Variants in POC5 observed in about 807,000 individuals in gnomAD.
The protein encoded by POC5 is centrosomal protein POC5.
In POC5, 48 loss-of-function variants were observed where a neutral mutation model predicts 62.9. That is an observed-to-expected ratio of 0.76 (90% CI 0.61 to 0.97). The LOEUF is 0.97. Ranked by LOEUF, POC5 falls within the 50% of genes least tolerant of loss-of-function variation. POC5 has a pLI of 0.00. For synonymous variants in POC5, 236 were observed against 228.2 expected (o/e 1.03, Z -0.31); for missense variants, 696 against 679.5 (o/e 1.02, Z -0.27).
At chr5:75,691,305 A>G (rs893790798) in intron 7 of POC5, among the ~76,000 whole-genome samples, 1 of 152,214 alleles carries the variant, frequency 6.6e-6, no homozygotes, top group African/African-American at 2.4e-5. Flanking sequence ...AAAAAAATGA[A>G]AAATCCAGAA....
rs141696191 is a variant in POC5 at position 75,685,475 on chromosome 5, G to A, written c.1139C>T (p.Ser380Phe). ...ATACTCTTCCTTTTTATTATTTGTG[G>A]AGTCTATCCCTATAAATCACAAATT... ...FQNRNDAGID[S>F]TNNKKEEYGP... The change falls in exon 10 of 12, where the codon TCC (serine) becomes TTC (phenylalanine). Residue 380 changes from serine (S) to phenylalanine (F), a missense_variant. Coordinates refer to ENST00000428202, the MANE Select transcript of POC5 (RefSeq NM_001099271.2). The A allele has an allele frequency of 1.4e-5, 23 of 1,609,612 alleles. 1 individual carries two copies. The East Asian group carries it at 5.1e-4, about 36-fold the overall frequency.
chr5:75,714,865 C>T (rs1777485992), intron 1 of POC5, among the ~76,000 whole-genome samples: 1 of 152,080 alleles, frequency 6.6e-6, no homozygotes, highest in Admixed American at 6.6e-5. Flanking sequence ...GAGCGCCGCA[C>T]TGGAGGTATA....
chr5:75,677,674 A>G lies in POC5; in HGVS notation c.1584+100T>C, dbSNP rs116354814. 1.5e-3 allele frequency: 1,520 copies of G among 980,742 alleles called. 22 individuals are homozygous for G. The African/African-American group carries it at 0.023, about 15-fold the overall frequency. The allele number at this position is 980,742 out of a possible 1,614,324, so 60.8% of individuals were successfully genotyped here. ...AAAGGCAGAACAAGTACCAGTCATC[A>G]TAAATTTTTATCTTCTCAACATGTT... On this transcript the variant is annotated intron_variant, in intron 11 of 11. Coordinates refer to ENST00000428202, the MANE Select transcript of POC5 (RefSeq NM_001099271.2).
chr5:75,689,652 G>T (rs1423043287), intron 8 of POC5: 2 of 985,242 alleles, frequency 2.0e-6, no homozygotes, highest in African/African-American at 3.5e-5. Context: ...AACCTCAGGG[G>T]ACTGCATTTT....
At chr5:75,674,989 T>G (rs906653854) in intron 11 of POC5, among the ~76,000 whole-genome samples, 1 of 152,204 alleles carries the variant, frequency 6.6e-6, no homozygotes, top group East Asian at 1.9e-4. Context: ...ACTGTTAGTA[T>G]GTGGATGTGA....
chr5:75,689,304 T>C, intron 8 of POC5, 139 bp from the exon 9 acceptor site: 2 of 1,319,724 alleles, frequency 1.5e-6, no homozygotes, highest in Non-Finnish European at 1.9e-6. Flanking sequence ...CTATGTGCAA[T>C]TTATTTTAAA....
At position 75,689,147 on chromosome 5, in the gene POC5, T is replaced by C. The variant is rs573472803; in HGVS notation, c.994A>G (p.Asn332Asp). Residue 332 changes from asparagine to aspartate, a missense_variant, in exon 9 of 12, where the codon AAT (asparagine) becomes GAT (aspartate). Physicochemically the swap from Asn to Asp is conservative, Grantham distance 23. Coordinates refer to ENST00000428202, the MANE Select transcript of POC5 (RefSeq NM_001099271.2). The part of the protein sequence containing the change: ...KVAMLSGALE[N>D]AKAEIQRMQH... ...ATTCTTTGAATCTCAGCTTTTGCAT[T>C]TTCCAAAGCTCCAGATAACTAAAAT... 25 of 1,557,842 alleles carry C rather than the reference T, an allele frequency of 1.6e-5. No individual in the cohort carries two copies. In the African/African-American group the frequency reaches 3.3e-4, roughly 20 times the overall value.
chr5:75,702,530 A>G (rs1474031750), intron 5 of POC5, 75 bp downstream of exon 5: 3 of 1,394,312 alleles, frequency 2.2e-6, no homozygotes, highest in Non-Finnish European at 2.9e-6. Context: ...TCAAAAAAAC[A>G]AAACAGTATA....
intron 2 of POC5, among the ~76,000 whole-genome samples, chr5:75,711,344 G>A (rs1047912486): frequency 6.6e-6 from 1 of 151,468 alleles, no homozygotes; most frequent in African/African-American, 2.4e-5. Flanking sequence ...AACCATTAGA[G>A]TCAGAGCAAC....
At chr5:75,681,977 C>G (rs1775884565) in intron 10 of POC5, among the ~76,000 whole-genome samples, 1 of 152,098 alleles carries the variant, frequency 6.6e-6, no homozygotes, top group South Asian at 2.1e-4. Flanking sequence ...CTGAGTATTT[C>G]AACTATATAA....
At chr5:75,676,683 G>A (rs976779678) in intron 11 of POC5, among the ~76,000 whole-genome samples, 11 of 152,058 alleles carry the variant, frequency 7.2e-5, no homozygotes, top group African/African-American at 2.4e-4. Flanking sequence ...TCAGCTGGGG[G>A]TGGTGGCGGG....
chr5:75,677,727 C>G (rs368639440), intron 11 of POC5, 47 bp downstream of exon 11: 3 of 1,476,628 alleles, frequency 2.0e-6, no homozygotes, highest in African/African-American at 2.9e-5. Flanking sequence ...TCTATGAACT[C>G]TCAGGAAAAA....
intron 2 of POC5, among the ~76,000 whole-genome samples, chr5:75,710,195 TGA>T (rs775681891): frequency 5.9e-5 from 9 of 152,208 alleles, no homozygotes; most frequent in Non-Finnish European, 1.3e-4. Context: ...TCAGAATTTA[TGA>T]GAGACAGAAT....
chr5:75,709,767 G>A (rs1777269006), intron 2 of POC5, among the ~76,000 whole-genome samples: 1 of 152,192 alleles, frequency 6.6e-6, no homozygotes, highest in African/African-American at 2.4e-5. Flanking sequence ...ATATTTACTA[G>A]TTCCTATAAA....
At chr5:75,700,565 A>T (rs1776825880) in intron 5 of POC5, among the ~76,000 whole-genome samples, 1 of 150,644 alleles carries the variant, frequency 6.6e-6, no homozygotes, top group Non-Finnish European at 1.5e-5. Context: ...TACAAAAATC[A>T]ATTCAAGATG....
At chr5:75,676,303 ACTTGT>A (rs1775647790) in intron 11 of POC5, among the ~76,000 whole-genome samples, 1 of 152,228 alleles carries the variant, frequency 6.6e-6, no homozygotes, top group South Asian at 2.1e-4. Flanking sequence ...ATTTTTGATA[ACTTGT>A]CTTCCATATT....
At chr5:75,707,329 T>C (rs1291687608) in intron 3 of POC5, among the ~76,000 whole-genome samples, 2 of 152,208 alleles carry the variant, frequency 1.3e-5, no homozygotes, top group Non-Finnish European at 2.9e-5. Flanking sequence ...ATACTGCTGA[T>C]AAAGCACTAG....
chr5:75,708,634 T>C (rs1777218763), intron 2 of POC5, among the ~76,000 whole-genome samples: 1 of 152,254 alleles, frequency 6.6e-6, no homozygotes, highest in Non-Finnish European at 1.5e-5. Flanking sequence ...TATTAACTGA[T>C]TGCATTTGAA....
chr5:75,692,303 G>T, intron 7 of POC5, 93 bp downstream of exon 7: 2 of 813,070 alleles, frequency 2.5e-6, no homozygotes, highest in South Asian at 2.8e-5. Context: ...AATTCATTTT[G>T]ACTTATTAGA....
Sources: allele counts gnomAD v4.1 joint callset (sites outside exome capture counted in the v4.1 genomes callset), GRCh38; gene constraint gnomAD v4.1.1; transcripts MANE v1.5; gene names NCBI Gene and HGNC (gene_info 2026-07-23, HGNC 2026-07-21).